The following HSPA4L variants were observed in gnomAD, a reference collection of about 807,000 sequenced individuals.
The protein encoded by HSPA4L is heat shock protein family A (Hsp70) member 4 like.
HSPA4L carries 48 observed loss-of-function variants against 100.3 expected under a neutral mutation model. The observed-to-expected ratio is 0.48, with a 90% confidence interval of 0.38 to 0.61. The LOEUF (loss-of-function observed/expected upper bound fraction) is 0.61, where lower values mean the gene tolerates loss of function less well. Ranked by LOEUF, HSPA4L falls within the 20% of genes least tolerant of loss-of-function variation. The pLI, the probability that HSPA4L is intolerant of heterozygous loss-of-function variation, is 0.00. For synonymous variants in HSPA4L, 319 were observed against 328.2 expected, an observed-to-expected ratio of 0.97 and a Z score of 0.30; for missense variants, 886 against 988.6, an observed-to-expected ratio of 0.90 and a Z score of 1.39.
Position 127,811,450 on chromosome 4 carries a change from T to TAATA in HSPA4L, c.1392_1393insAATA (p.Gln465AsnfsTer9), listed in dbSNP as rs767917287. 1 of 1,613,870 alleles carries TAATA rather than the reference T, an allele frequency of 6.2e-7. No homozygotes were observed. Among genetic ancestry groups the TAATA allele is most frequent in the Non-Finnish European group, 8.5e-7 (1 of 1,179,842 alleles). On this transcript the variant is annotated frameshift_variant, in exon 12 of 19. Transcript: ENST00000296464. LOFTEE classifies it high-confidence loss of function. ...TTTTTCCTTAAGGGAGCTTCACTAT[T>TAATA]CAGAATGTTTTTCCACAGTCTGATG...
chr4:127,793,354 C>T lies in HSPA4L; in HGVS notation c.108-723C>T, dbSNP rs112832609. ...ATTTTTTTTCAATAGACTATACATT[C>T]TCCCAGACAGGTATTGTGACTTGTA... On this transcript the variant is annotated intron_variant, in intron 1 of 18. Transcript: ENST00000296464. Among the ~76,000 whole-genome samples, 152 of 152,018 alleles carry T rather than the reference C, an allele frequency of 1.0e-3. 2 individuals carry two copies. The highest frequency in any genetic ancestry group is 3.6e-3 in the African/African-American group (148 of 41,474).
chr4:127,801,087 A>G, intron 4 of HSPA4L, 51 bp from the exon 5 acceptor site: 1 of 1,359,356 alleles, frequency 7.4e-7, no homozygotes, highest in Non-Finnish European at 1.0e-6. Flanking sequence ...TTTTCAGTTG[A>G]CAAAATGTTT....
intron 12 of HSPA4L, among the ~76,000 whole-genome samples, chr4:127,813,762 A>T (rs1578711571): frequency 6.6e-6 from 1 of 151,746 alleles, no homozygotes; most frequent in African/African-American, 2.4e-5. Context: ...CCTGCCTCAG[A>T]CTCCCAAGTA....
chr4:127,814,575 C>CT (rs988514510), intron 12 of HSPA4L, among the ~76,000 whole-genome samples: 14 of 149,204 alleles, frequency 9.4e-5, no homozygotes, highest in Middle Eastern at 3.4e-3. Flanking sequence ...GCACTTTTTA[C>CT]TTTTTTTTTT....
At chr4:127,809,301 T>G in intron 11 of HSPA4L, 2 of 1,216,380 alleles carry the variant, frequency 1.6e-6, no homozygotes, top group East Asian at 2.3e-5. Flanking sequence ...CATTGCACTC[T>G]CGAGACCCTG....
chr4:127,811,242 A>G (rs189184654), intron 11 of HSPA4L, among the ~76,000 whole-genome samples, 195 bp from the exon 12 acceptor site: 29 of 151,888 alleles, frequency 1.9e-4, no homozygotes, highest in African/African-American at 6.5e-4. Flanking sequence ...CTGAGACTTA[A>G]TAACAGGTTT....
chr4:127,787,669 T>A (rs1290117717), intron 1 of HSPA4L, among the ~76,000 whole-genome samples: 1 of 152,240 alleles, frequency 6.6e-6, no homozygotes, highest in Non-Finnish European at 1.5e-5. Context: ...TTCTTTTTGC[T>A]AGCTGTATAG....
intron 4 of HSPA4L, among the ~76,000 whole-genome samples, chr4:127,799,858 T>G (rs1037397062): frequency 4.6e-5 from 7 of 152,192 alleles, no homozygotes; most frequent in African/African-American, 1.7e-4. Flanking sequence ...GAATATTAAA[T>G]GAACCATGCA....
chr4:127,829,179 G>C (rs1734020572), intron 17 of HSPA4L, among the ~76,000 whole-genome samples: 1 of 152,110 alleles, frequency 6.6e-6, no homozygotes, highest in African/African-American at 2.4e-5. Context: ...GTGATAACTG[G>C]AAGAGAAATG....
At chr4:127,816,339 G>T (rs1733669514) in intron 12 of HSPA4L, among the ~76,000 whole-genome samples, 3 of 152,068 alleles carry the variant, frequency 2.0e-5, no homozygotes, top group Admixed American at 6.5e-5. Context: ...AGAATTAACA[G>T]TTTATTACCA....
At chr4:127,821,431 C>G (rs1578718385) in intron 14 of HSPA4L, among the ~76,000 whole-genome samples, 1 of 152,104 alleles carries the variant, frequency 6.6e-6, no homozygotes, top group East Asian at 1.9e-4. Context: ...GGATTCTTAA[C>G]GTTTACATGT....
At position 127,836,150 on chromosome 4, in the gene HSPA4L, G is replaced by C. The variant is rs1344034501; in HGVS notation, c.*3276G>C. On this transcript the variant is annotated 3_prime_UTR_variant, in exon 19 of 19. Transcript: ENST00000296464. ...TGGGAGGCCAAGGCGGGCAGATCAC[G>C]AGGTCAGGAGATCAAGACCATCCTG... 1 of 152,210 alleles carries C rather than the reference G, an allele frequency of 6.6e-6. No homozygotes were observed. Among genetic ancestry groups the C allele is most frequent in the Non-Finnish European group, 1.5e-5 (1 of 68,360 alleles). 9.4% of individuals were successfully genotyped at this position (152,210 alleles called of 1,614,324 possible).
rs911961159 is a variant in HSPA4L, at chr4:127,831,115, A to G, written c.2328+316A>G. Among the ~76,000 whole-genome samples the G allele has an allele frequency of 5.3e-5, 8 of 152,182 alleles. No homozygotes were observed. The East Asian group carries it at 7.7e-4, about 15-fold the overall frequency. On this transcript the variant is annotated intron_variant, in intron 18 of 18. Transcript: ENST00000296464. ...AGTCTTCATTACAAAATTTTTCAGT[A>G]TAAGTCTGTCTTTGACCTAGTTTGA...
intron 16 of HSPA4L, among the ~76,000 whole-genome samples, chr4:127,826,505 A>AATG (rs950840542): frequency 2.0e-5 from 3 of 152,206 alleles, no homozygotes; most frequent in Admixed American, 2.0e-4. Context: ...AACAGATGAT[A>AATG]ATGAACTCTG....
At chr4:127,782,758 A>C (rs1712818975) in intron 1 of HSPA4L, 101 bp downstream of exon 1, 10 of 855,844 alleles carry the variant, frequency 1.2e-5, no homozygotes, top group Non-Finnish European at 1.8e-5. Flanking sequence ...TTTTCCCCTA[A>C]CGTGCGCCGA....
At position 127,839,763 on chromosome 4, in the gene HSPA4L, TC is replaced by T. The variant is rs1560677224; in HGVS notation, c.*6892del. The T allele has an allele frequency of 1.3e-5, 2 of 152,136 alleles. No homozygotes were observed. 9.4% of individuals were successfully genotyped at this position (152,136 alleles called of 1,614,324 possible). On this transcript the variant is annotated 3_prime_UTR_variant, in exon 19 of 19. Transcript: ENST00000296464. Reference sequence around the variant, plus strand: ...GGAAGCTTTAAAATGTTGTATTTTTTCCCTGAAATAAACTTTTATGATTTAA... The same window carrying T: ...GGAAGCTTTAAAATGTTGTATTTTTTCCTGAAATAAACTTTTATGATTTAA...
At chr4:127,820,378 C>G in intron 13 of HSPA4L, 50 bp from the exon 14 acceptor site, 1 of 1,492,886 alleles carries the variant, frequency 6.7e-7, no homozygotes, top group East Asian at 2.3e-5. Context: ...CCTCTTAAAT[C>G]TATTTTTAAG....
intron 13 of HSPA4L, 108 bp downstream of exon 13, chr4:127,818,528 G>A (rs1322975344): frequency 3.5e-6 from 2 of 575,040 alleles, no homozygotes; most frequent in Admixed American, 6.9e-5. Context: ...TTAGAATTGT[G>A]AGAGAATATA....
chr4:127,825,926 C>CAAAA (rs78623521), intron 16 of HSPA4L, among the ~76,000 whole-genome samples: 1 of 57,226 alleles, frequency 1.7e-5, no homozygotes, highest in Non-Finnish European at 3.4e-5. Flanking sequence ...AACTCCATCT[C>CAAAA]AAAAAAAAAA....
Sources: allele counts gnomAD v4.1 joint callset (sites outside exome capture counted in the v4.1 genomes callset), GRCh38; gene constraint gnomAD v4.1.1; transcripts MANE v1.5; gene names NCBI Gene and HGNC (gene_info 2026-07-23, HGNC 2026-07-21).